OPA3: variants seen among roughly 807,000 people sequenced by gnomAD.
The protein encoded by OPA3 is outer mitochondrial membrane lipid metabolism regulator OPA3.
A neutral mutation model predicts 4.0 loss-of-function variants in OPA3; 6 were observed. The observed-to-expected ratio is 1.51, with a 90% CI of 0.83 to 2.99. The LOEUF is 2.99. OPA3 is among the 30% of genes most tolerant of loss of function. OPA3 has a pLI of 0.00. For missense variants in OPA3, 235 were observed against 256.2 expected, an observed-to-expected ratio of 0.92 and a Z score of 0.56; for synonymous variants, 105 against 117.1, an observed-to-expected ratio of 0.90 and a Z score of 0.67.
intron 1 of OPA3, among the ~76,000 whole-genome samples, chr19:45,566,295 G>A (rs1246094918): frequency 1.3e-5 from 2 of 150,918 alleles, no homozygotes; most frequent in Non-Finnish European, 2.9e-5. Flanking sequence ...GATTACAGGC[G>A]CAGACCACTG....
chr19:45,582,882 C>T (rs573141979), intron 1 of OPA3, among the ~76,000 whole-genome samples: 1 of 152,276 alleles, frequency 6.6e-6, no homozygotes, highest in Admixed American at 6.5e-5. Flanking sequence ...ATCCAGTCGC[C>T]AGACAAGAAG....
chr19:45,559,837 G>C (rs1432404515), intron 1 of OPA3, among the ~76,000 whole-genome samples: 1 of 151,744 alleles, frequency 6.6e-6, no homozygotes, highest in Non-Finnish European at 1.5e-5. Flanking sequence ...AGCTCCCTGG[G>C]CTTAACACGA....
chr19:45,566,799 A>G (rs12985607), intron 1 of OPA3, among the ~76,000 whole-genome samples: 43,683 of 151,974 alleles, frequency 0.29, 6,636 homozygotes, highest in Middle Eastern at 0.39. Context: ...AAAATTAAAT[A>G]TAACCTTACC....
chr19:45,564,919 T>C (rs1969559960), intron 1 of OPA3, among the ~76,000 whole-genome samples: 1 of 152,226 alleles, frequency 6.6e-6, no homozygotes, highest in African/African-American at 2.4e-5. Flanking sequence ...ATTTCATTCT[T>C]TGTGATTTTA....
At chr19:45,583,933 T>G (rs956789091) in intron 1 of OPA3, among the ~76,000 whole-genome samples, 1 of 152,206 alleles carries the variant, frequency 6.6e-6, no homozygotes, top group African/African-American at 2.4e-5. Flanking sequence ...TTGACAGTGA[T>G]GGATCAGGAG....
At chr19:45,561,021 G>A (rs533292268) in intron 1 of OPA3, among the ~76,000 whole-genome samples, 11 of 152,242 alleles carry the variant, frequency 7.2e-5, no homozygotes, top group African/African-American at 2.2e-4. Context: ...GTGGGGGACC[G>A]GGGCTCGGGA....
chr19:45,583,828 G>A (rs1969891300), intron 1 of OPA3, among the ~76,000 whole-genome samples: 3 of 152,236 alleles, frequency 2.0e-5, no homozygotes, highest in Middle Eastern at 3.4e-3. Context: ...ATCTGAGCTC[G>A]GGCGGCCCCC....
At position 45,555,353 on chromosome 19, in the gene OPA3, C is replaced by T. The variant is rs185765805; in HGVS notation, c.143-1442G>A. On this transcript the variant is annotated intron_variant, in intron 1 of 1. Transcript: ENST00000263275. ...AGCTTGTTTTTATTTGTATTATTTTCGAGACGGGGTCTTGCTTTGTCGCCC... is the reference window on the plus strand; with the variant it reads ...AGCTTGTTTTTATTTGTATTATTTTTGAGACGGGGTCTTGCTTTGTCGCCC... 1.2e-3 allele frequency among the ~76,000 whole-genome samples: 178 copies of T among 152,104 alleles called. 4 individuals are homozygous for T. In the East Asian group the frequency reaches 0.03, roughly 25 times the overall value.
At position 45,552,903 on chromosome 19, in the gene OPA3, T is replaced by G; in HGVS notation, c.*611A>C. On this transcript the variant is annotated 3_prime_UTR_variant, in exon 2 of 2. Transcript: ENST00000263275. Reference sequence around the variant, plus strand: ...GTTGGCCAGGCTGGTCTGGAACTCCTGACCTCAAGTGATCCGCCCGCCTCG... The same window carrying G: ...GTTGGCCAGGCTGGTCTGGAACTCCGGACCTCAAGTGATCCGCCCGCCTCG... 4 of 701,894 alleles carry G rather than the reference T, an allele frequency of 5.7e-6. No individual in the cohort carries two copies. Among genetic ancestry groups the G allele is most frequent in the Non-Finnish European group, 7.0e-6 (4 of 571,434 alleles). The allele number at this position is 701,894 out of a possible 1,614,324, so 43.5% of individuals were successfully genotyped here.
Position 45,584,482 on chromosome 19 carries a change from T to A in OPA3, c.142+141A>T, listed in dbSNP as rs1026584367. 1.5e-5 allele frequency: 23 copies of A among 1,521,908 alleles called. No individual in the cohort carries two copies. In the East Asian group the frequency reaches 3.4e-4, roughly 22 times the overall value. The allele number at this position is 1,521,908 out of a possible 1,614,324, so 94.3% of individuals were successfully genotyped here. On this transcript the variant is annotated intron_variant, in intron 1 of 1. Coordinates refer to ENST00000263275, the MANE Select transcript of OPA3 (RefSeq NM_025136.4). ...ACTGGGCCACCCGTACGCCCCTCTA[T>A]CAGAAACCCCCCACTATTGGCCACT...
chr19:45,553,979 G>C (rs1279756043), intron 1 of OPA3, 68 bp from the exon 2 acceptor site: 1 of 1,342,428 alleles, frequency 7.4e-7, no homozygotes, highest in Non-Finnish European at 1.0e-6. Flanking sequence ...CTCTCACCCA[G>C]GGAATGCAGT....
intron 1 of OPA3, among the ~76,000 whole-genome samples, chr19:45,563,096 C>T (rs941632869): frequency 6.6e-6 from 1 of 152,310 alleles, no homozygotes; most frequent in Admixed American, 6.5e-5. Flanking sequence ...ATGTCAGGTT[C>T]ACCCGTCCAG....
chr19:45,565,677 G>C (rs1599981088), intron 1 of OPA3, among the ~76,000 whole-genome samples: 1 of 152,032 alleles, frequency 6.6e-6, no homozygotes, highest in South Asian at 2.1e-4. Context: ...GTAGAGACAG[G>C]GTTTCACCAT....
intron 1 of OPA3, among the ~76,000 whole-genome samples, chr19:45,561,564 G>A (rs948606435): frequency 3.3e-5 from 5 of 152,268 alleles, no homozygotes; most frequent in African/African-American, 4.8e-5. Flanking sequence ...CCGTGGAACC[G>A]GTAACCGGAA....
chr19:45,538,977 TA>T (rs768956134), intron 1 of OPA3, among the ~76,000 whole-genome samples: 1 of 152,156 alleles, frequency 6.6e-6, no homozygotes, highest in Non-Finnish European at 1.5e-5. Context: ...TCAGGAAACT[TA>T]CAATCATGGC....
chr19:45,566,477 T>C (rs1049482810), intron 1 of OPA3, among the ~76,000 whole-genome samples: 5 of 126,058 alleles, frequency 4.0e-5, no homozygotes, highest in South Asian at 2.5e-4. Context: ...ATTTTTCTCT[T>C]TTTTTTTTTT....
In OPA3 at chr19:45,548,187, G is replaced by T; in HGVS notation, c.*5327C>A. ...CCAGCTACAAGCCATTGCCACTGGG[G>T]GACCCAAGCCTGCCACTCAGCAACA... On this transcript the variant is annotated 3_prime_UTR_variant, in exon 2 of 2. Coordinates refer to ENST00000263275, the MANE Select transcript of OPA3 (RefSeq NM_025136.4). 3.0e-6 allele frequency: 3 copies of T among 986,184 alleles called. No individual in the cohort carries two copies. The highest frequency in any genetic ancestry group is 2.4e-6 in the Non-Finnish European group (2 of 830,444). The allele number at this position is 986,184 out of a possible 1,614,324, so 61.1% of individuals were successfully genotyped here. A position where few individuals can be genotyped will look rare whatever the true frequency, so the allele number is the denominator to read the frequency against.
chr19:45,584,350 T>C lies in OPA3; in HGVS notation c.142+273A>G, dbSNP rs1969899849. The C allele has an allele frequency of 6.1e-6, 6 of 985,188 alleles. No homozygotes were observed. The South Asian group carries it at 1.4e-4, about 23-fold the overall frequency. The allele number at this position is 985,188 out of a possible 1,614,324, so 61.0% of individuals were successfully genotyped here. A position where few individuals can be genotyped will look rare whatever the true frequency, so the allele number is the denominator to read the frequency against. On this transcript the variant is annotated intron_variant, in intron 1 of 1. Transcript: ENST00000263275. Reference sequence around the variant, plus strand: ...TTTCTCCCATCTCTCACACTATTGGTTTAACAGGGCATCAGTCTCCAAGCG... The same window carrying C: ...TTTCTCCCATCTCTCACACTATTGGCTTAACAGGGCATCAGTCTCCAAGCG...
downstream of OPA3, among the ~76,000 whole-genome samples, chr19:45,544,750 T>C (rs572070818): frequency 1.3e-5 from 2 of 149,162 alleles, no homozygotes; most frequent in Admixed American, 6.7e-5. Flanking sequence ...GCCGAGATCA[T>C]GCCATTGCAC....
Sources: allele counts gnomAD v4.1 joint callset (sites outside exome capture counted in the v4.1 genomes callset), GRCh38; gene constraint gnomAD v4.1.1; transcripts MANE v1.5; gene names NCBI Gene and HGNC (gene_info 2026-07-23, HGNC 2026-07-21).